The following SLC16A9 variants were observed in gnomAD, a reference collection of about 807,000 sequenced individuals.
SLC16A9 encodes the protein monocarboxylate transporter 9.
A neutral mutation model predicts 44.3 loss-of-function variants in SLC16A9; 26 were observed. The ratio of observed to expected loss-of-function variants is 0.59; its 90% CI spans 0.43 to 0.81. SLC16A9 has a LOEUF of 0.81. SLC16A9 is among the 40% of genes least tolerant of loss of function. The probability of loss-of-function intolerance (pLI) is 0.00; values close to 1 mark genes in which losing one functional copy is unlikely to be tolerated. For missense variants in SLC16A9, 559 were observed against 595.8 expected (o/e 0.94, Z 0.64); for synonymous variants, 230 against 225.1 (o/e 1.02, Z -0.19).
chr10:59,683,660 A>T (rs777701714), intron 2 of SLC16A9, among the ~76,000 whole-genome samples: 17 of 152,212 alleles, frequency 1.1e-4, no homozygotes, highest in Admixed American at 3.3e-4. Context: ...AGCTGCCTAG[A>T]AGGCTGCTGA....
At position 59,653,235 on chromosome 10, in the gene SLC16A9, C is replaced by T. The variant is rs375514581; in HGVS notation, c.1352-285G>A. On this transcript the variant is annotated intron_variant, in intron 5 of 5. Transcript: ENST00000395348. ...GAGATGGAGACCATCCTGGCTAACA[C>T]GGTGAAACCCCGTCTCTACTAAACA... is the stretch of plus-strand genomic sequence containing the variant. Among the ~76,000 whole-genome samples the T allele has an allele frequency of 5.3e-5, 8 of 149,788 alleles. No homozygotes were observed. The East Asian group carries it at 1.6e-3, about 29-fold the overall frequency.
intron 1 of SLC16A9, among the ~76,000 whole-genome samples, chr10:59,686,797 A>T (rs1195846728): frequency 4.6e-5 from 7 of 152,166 alleles, no homozygotes; most frequent in African/African-American, 1.7e-4. Flanking sequence ...TTTTTATAAA[A>T]TCAAATGGTA....
At chr10:59,658,884 A>G (rs1839408192) in intron 4 of SLC16A9, among the ~76,000 whole-genome samples, 1 of 152,184 alleles carries the variant, frequency 6.6e-6, no homozygotes, top group Non-Finnish European at 1.5e-5. Context: ...GGTTGGCCTC[A>G]GGAATAAAAT....
At chr10:59,705,873 T>C (rs539745048) in intron 1 of SLC16A9, among the ~76,000 whole-genome samples, 2 of 152,366 alleles carry the variant, frequency 1.3e-5, no homozygotes, top group East Asian at 3.8e-4. Context: ...TGTTCAATCA[T>C]ATTTTAATTT....
chr10:59,663,232 A>C (rs1220347221), intron 4 of SLC16A9, among the ~76,000 whole-genome samples: 1 of 152,088 alleles, frequency 6.6e-6, no homozygotes, highest in African/African-American at 2.4e-5. Context: ...TTGGTGGCAC[A>C]TGCCTATAAT....
intron 3 of SLC16A9, among the ~76,000 whole-genome samples, chr10:59,668,963 A>C (rs1839685798): frequency 6.6e-6 from 1 of 152,198 alleles, no homozygotes; most frequent in African/African-American, 2.4e-5. Flanking sequence ...CAGTAAGAGA[A>C]TCAGACTGTC....
At position 59,676,198 on chromosome 10, in the gene SLC16A9, CCCTTAT is replaced by C. The variant is rs146582610; in HGVS notation, c.197-3291_197-3286del. ...AATAGTTTAGAGCAAAATTATTTTA[CCCTTAT>C]CCTTAGAACCTGGGTTTATTTATAG... is the stretch of plus-strand genomic sequence containing the variant. On this transcript the variant is annotated intron_variant, in intron 2 of 5. Transcript: ENST00000395348. 1.1e-3 allele frequency among the ~76,000 whole-genome samples: 169 copies of C among 152,230 alleles called. 1 individual carries two copies. The highest frequency in any genetic ancestry group is 1.8e-3 in the Non-Finnish European group (125 of 68,008).
At chr10:59,692,048 A>T (rs1483795408) in intron 1 of SLC16A9, among the ~76,000 whole-genome samples, 1 of 152,218 alleles carries the variant, frequency 6.6e-6, no homozygotes, top group South Asian at 2.1e-4. Context: ...ACATCTCCTT[A>T]AAGATTCATA....
At chr10:59,699,433 A>G (rs1454532443) in intron 1 of SLC16A9, among the ~76,000 whole-genome samples, 1 of 152,202 alleles carries the variant, frequency 6.6e-6, no homozygotes, top group Non-Finnish European at 1.5e-5. Context: ...TCTATTCTAG[A>G]AAATTTCGCA....
intron 1 of SLC16A9, among the ~76,000 whole-genome samples, chr10:59,694,692 T>C (rs1439800724): frequency 1.3e-5 from 2 of 150,342 alleles, no homozygotes; most frequent in East Asian, 2.0e-4. Flanking sequence ...TCCCAGCTAC[T>C]TGGGGGCTGA....
In SLC16A9 at chr10:59,654,348, G is replaced by C. The variant is rs1839297043; in HGVS notation, c.678C>G (p.Asn226Lys). 1 of 1,613,936 alleles carries C rather than the reference G, an allele frequency of 6.2e-7. No homozygotes were observed. ...EKGKNLEENI[N>K]ILDKSYSSEE... The stretch of plus-strand genomic sequence containing the variant: ...CACTACTGTAGCTCTTGTCAAGAAT[G>C]TTTATGTTTTCTTCCAGATTCTTTC... Residue 226 changes from asparagine to lysine, a missense_variant, in exon 5 of 6, where the codon AAC (asparagine) becomes AAG (lysine). Transcript: ENST00000395348.
At chr10:59,700,840 T>C (rs1181869015) in intron 1 of SLC16A9, among the ~76,000 whole-genome samples, 4 of 152,216 alleles carry the variant, frequency 2.6e-5, no homozygotes, top group Non-Finnish European at 5.9e-5. Flanking sequence ...CTCCTCATTC[T>C]TGACACTGTT....
At position 59,653,425 on chromosome 10, in the gene SLC16A9, C is replaced by CAAA. The variant is rs562805430; in HGVS notation, c.1351+247_1351+249dup. On this transcript the variant is annotated intron_variant, in intron 5 of 5. Transcript: ENST00000395348. ...TGGGCGACAGTGCAAAACTCCGTCT[C>CAAA]AAAAAAAAAAAAAAAAAAAAGCAGG... Among the ~76,000 whole-genome samples, 22 of 36,764 alleles carry CAAA rather than the reference C, an allele frequency of 6.0e-4. 4 individuals are homozygous for CAAA. Among genetic ancestry groups the CAAA allele is most frequent in the African/African-American group, 7.1e-4 (12 of 16,876 alleles). The allele number at this position is 36,764 out of a possible 152,430, so 24.1% of individuals were successfully genotyped here.
intron 2 of SLC16A9, among the ~76,000 whole-genome samples, chr10:59,674,948 A>G (rs909497610): frequency 6.6e-6 from 1 of 152,228 alleles, no homozygotes; most frequent in African/African-American, 2.4e-5. Context: ...CAACTATGTG[A>G]TAAATTCTTA....
intron 2 of SLC16A9, among the ~76,000 whole-genome samples, chr10:59,680,701 C>A (rs188966096): frequency 2.0e-5 from 3 of 152,190 alleles, no homozygotes; most frequent in Admixed American, 2.0e-4. Flanking sequence ...ATTCATGAGG[C>A]CAGGCACAGT....
At chr10:59,703,545 G>A (rs973307359) in intron 1 of SLC16A9, among the ~76,000 whole-genome samples, 1 of 152,282 alleles carries the variant, frequency 6.6e-6, no homozygotes, top group South Asian at 2.1e-4. Flanking sequence ...TTTAGCAAAA[G>A]GGGAAGAAAT....
In SLC16A9 at chr10:59,653,739, G is replaced by C. The variant is rs77799409; in HGVS notation, c.1287C>G (p.Ala429=). Reference sequence around the variant, plus strand: ...AGAACATTAATATCCCATAGGCATGGGCTAATTTTTCAATTCCCACAGTCT... The same window carrying C: ...AGAACATTAATATCCCATAGGCATGCGCTAATTTTTCAATTCCCACAGTCT... ...TTKTVGIEKL[A]HAYGILMFFA... The change falls in exon 5 of 6, where the codon GCC becomes GCG. Residue 429 remains alanine (A), a synonymous_variant. Transcript: ENST00000395348. 14,508 of 1,614,056 alleles carry C rather than the reference G, an allele frequency of 9.0e-3. 92 individuals are homozygous for C. Among genetic ancestry groups the C allele is most frequent in the Non-Finnish European group, 0.01 (12,194 of 1,179,982 alleles).
chr10:59,663,862 T>C (rs957935636), intron 4 of SLC16A9, among the ~76,000 whole-genome samples: 2 of 152,032 alleles, frequency 1.3e-5, no homozygotes, highest in Non-Finnish European at 1.5e-5. Context: ...AGACAACTTT[T>C]CAAGTTTTAT....
intron 2 of SLC16A9, among the ~76,000 whole-genome samples, chr10:59,681,933 T>C (rs78850707): frequency 3.4e-5 from 5 of 145,886 alleles, no homozygotes; most frequent in African/African-American, 5.0e-5. Flanking sequence ...CCTTTTTTTT[T>C]CCCCACCACT....
Sources: allele counts gnomAD v4.1 joint callset (sites outside exome capture counted in the v4.1 genomes callset), GRCh38; gene constraint gnomAD v4.1.1; transcripts MANE v1.5; gene names NCBI Gene and HGNC (gene_info 2026-07-23, HGNC 2026-07-21).